Variants in HDAC9 observed in about 807,000 individuals in gnomAD.
HDAC9 encodes the protein histone deacetylase 9, also known as MEF-2 interacting transcription repressor (MITR) protein.
A neutral mutation model predicts 139.4 loss-of-function variants in HDAC9; 41 were observed. That is an observed-to-expected ratio of 0.29 (90% CI 0.23 to 0.38). HDAC9 has a LOEUF of 0.38. HDAC9 is among the 10% of genes least tolerant of loss of function. HDAC9 has a pLI of 1.00. For missense variants in HDAC9, 1,147 were observed against 1,297.0 expected (o/e 0.88, Z 1.78); for synonymous variants, 517 against 476.2 (o/e 1.09, Z -1.12).
intron 22 of HDAC9, among the ~76,000 whole-genome samples, chr7:18,931,391 G>C (rs902220125): frequency 2.0e-5 from 3 of 152,184 alleles, no homozygotes; most frequent in African/African-American, 7.2e-5. Context: ...CATAGGAATT[G>C]AGAAAAACTA....
chr7:18,413,194 G>C (rs1788736516), intron 1 of HDAC9, among the ~76,000 whole-genome samples: 1 of 152,108 alleles, frequency 6.6e-6, no homozygotes, highest in Non-Finnish European at 1.5e-5. Context: ...TTTTTGTTAT[G>C]AATTGGTATT....
In HDAC9 at chr7:18,267,149, G is replaced by C. The variant is rs1469089514; in HGVS notation, c.25+104800G>C. The stretch of plus-strand genomic sequence containing the variant: ...GACATGGCTTTATTATGATAGTGTA[G>C]TTTAGAAACATTAAAACTTATTTCT... On this transcript the variant is annotated intron_variant, in intron 2 of 12. Transcript: ENST00000417496. 5.9e-5 allele frequency among the ~76,000 whole-genome samples: 9 copies of C among 152,138 alleles called. No individual in the cohort carries two copies. In the East Asian group the frequency reaches 1.7e-3, roughly 29 times the overall value.
At chr7:18,248,034 A>G (rs1482038321) in intron 2 of HDAC9, among the ~76,000 whole-genome samples, 1 of 152,136 alleles carries the variant, frequency 6.6e-6, no homozygotes, top group Non-Finnish European at 1.5e-5. Context: ...TCTTGGAAAA[A>G]CAGGAAATTA....
intron 1 of HDAC9, among the ~76,000 whole-genome samples, chr7:18,144,478 C>T (rs1226215466): frequency 1.3e-5 from 2 of 152,188 alleles, no homozygotes; most frequent in African/African-American, 4.8e-5. Context: ...TTCAACCCCA[C>T]TCCTATTATT....
At chr7:18,984,390 G>T (rs901121199) in intron 25 of HDAC9, among the ~76,000 whole-genome samples, 4 of 152,010 alleles carry the variant, frequency 2.6e-5, no homozygotes, top group Non-Finnish European at 4.4e-5. Flanking sequence ...TTTAATGGAA[G>T]GGAATTAAAA....
chr7:18,585,675 T>C (rs1033341521), intron 3 of HDAC9, among the ~76,000 whole-genome samples, 153 bp downstream of exon 3: 3 of 152,150 alleles, frequency 2.0e-5, no homozygotes, highest in African/African-American at 7.2e-5. Context: ...TAGTGAAAAC[T>C]TTGGGTAAGT....
intron 1 of HDAC9, among the ~76,000 whole-genome samples, chr7:18,391,314 G>A (rs996267044): frequency 2.6e-5 from 4 of 152,076 alleles, no homozygotes; most frequent in African/African-American, 9.7e-5. Context: ...GAACCCGGAA[G>A]GCAGAGGCTG....
chr7:18,427,394 T>A (rs1790214518), intron 1 of HDAC9, among the ~76,000 whole-genome samples: 1 of 150,750 alleles, frequency 6.6e-6, no homozygotes, highest in South Asian at 2.1e-4. Context: ...GTCTCCTTGC[T>A]TGCTTTTATT....
At position 18,380,327 on chromosome 7, in the gene HDAC9, A is replaced by G. The variant is rs1422002571; in HGVS notation, c.-42+89812A>G. Among the ~76,000 whole-genome samples, 14 of 152,354 alleles carry G rather than the reference A, an allele frequency of 9.2e-5. No homozygotes were observed. In the East Asian group the frequency reaches 2.3e-3, roughly 25 times the overall value. The stretch of plus-strand genomic sequence containing the variant: ...AAAAGGACTTTTTAAAATAATTTAA[A>G]GAAACATCCATGGTGAAAACACAGT... On this transcript the variant is annotated intron_variant, in intron 1 of 3. Coordinates refer to the HDAC9 transcript ENST00000413509.
chr7:18,166,518 G>A (rs543597720), intron 2 of HDAC9, among the ~76,000 whole-genome samples: 2 of 152,108 alleles, frequency 1.3e-5, no homozygotes, highest in African/African-American at 4.8e-5. Flanking sequence ...TAGAGTACAT[G>A]TAACTAATGA....
At chr7:18,661,898 T>C (rs1192162290) in intron 11 of HDAC9, among the ~76,000 whole-genome samples, 1 of 152,182 alleles carries the variant, frequency 6.6e-6, no homozygotes, top group Non-Finnish European at 1.5e-5. Flanking sequence ...GTCATATGCA[T>C]ATCTGTGTCA....
intron 2 of HDAC9, among the ~76,000 whole-genome samples, chr7:18,235,243 A>T (rs1793738041): frequency 1.3e-5 from 2 of 152,218 alleles, no homozygotes; most frequent in African/African-American, 4.8e-5. Context: ...AATCTTTATC[A>T]CTTTATCAAA....
At chr7:18,443,793 T>A (rs1230474905) in intron 1 of HDAC9, among the ~76,000 whole-genome samples, 1 of 150,648 alleles carries the variant, frequency 6.6e-6, no homozygotes, top group Non-Finnish European at 1.5e-5. Flanking sequence ...TCTCCCTCTC[T>A]GTGTGTGTGT....
At chr7:18,923,598 A>T (rs1483246806) in intron 22 of HDAC9, among the ~76,000 whole-genome samples, 1 of 152,052 alleles carries the variant, frequency 6.6e-6, no homozygotes, top group Non-Finnish European at 1.5e-5. Context: ...CTTCTTTCAG[A>T]TACCTTAAGT....
At chr7:18,986,486 G>A (rs1411309309) in intron 25 of HDAC9, among the ~76,000 whole-genome samples, 2 of 116,628 alleles carry the variant, frequency 1.7e-5, no homozygotes, top group Admixed American at 1.9e-4. Context: ...TTGTAGTATA[G>A]TTTGAAGTCA....
chr7:18,271,009 A>C (rs1796319276), intron 2 of HDAC9, among the ~76,000 whole-genome samples: 2 of 152,198 alleles, frequency 1.3e-5, no homozygotes, highest in South Asian at 4.1e-4. Flanking sequence ...AGCCTGGAAA[A>C]AATGCTCAGG....
intron 12 of HDAC9, among the ~76,000 whole-genome samples, chr7:18,676,632 T>C (rs1781529650): frequency 6.6e-6 from 1 of 151,990 alleles, no homozygotes; most frequent in Non-Finnish European, 1.5e-5. Context: ...CTACTGTAAA[T>C]TATAAATTAT....
At chr7:18,914,265 C>T (rs1409065592) in intron 22 of HDAC9, among the ~76,000 whole-genome samples, 2 of 151,504 alleles carry the variant, frequency 1.3e-5, no homozygotes, top group South Asian at 2.1e-4. Context: ...ATGAGAAATA[C>T]GTCTTTGTTG....
intron 2 of HDAC9, among the ~76,000 whole-genome samples, chr7:18,199,081 A>G (rs1232141182): frequency 2.0e-5 from 3 of 151,640 alleles, no homozygotes; most frequent in Non-Finnish European, 4.4e-5. Context: ...TTTGTCATTA[A>G]GTTTTTTGTT....
Sources: gnomAD v4.1 joint callset for allele counts (sites outside exome capture counted in the v4.1 genomes callset) on GRCh38, gnomAD v4.1.1 for gene constraint, MANE v1.5 for transcripts, NCBI Gene and HGNC (gene_info 2026-07-23, HGNC 2026-07-21) for gene names.